SEMA4C: variants seen among roughly 807,000 people sequenced by gnomAD.
SEMA4C encodes semaphorin-4C.
Under a neutral mutation model 89.0 loss-of-function variants are expected in SEMA4C, and 19 were observed. The observed-to-expected ratio is 0.21, with a 90% confidence interval of 0.15 to 0.31. The LOEUF (loss-of-function observed/expected upper bound fraction) is 0.31. SEMA4C is among the 10% of genes least tolerant of loss of function. The pLI, the probability that SEMA4C is intolerant of heterozygous loss-of-function variation, is 1.00. For missense variants in SEMA4C, 811 were observed against 1,107.0 expected (o/e 0.73, Z 3.79); for synonymous variants, 428 against 472.7 (o/e 0.91, Z 1.23).
At position 96,864,873 on chromosome 2, in the gene SEMA4C, A is replaced by T; in HGVS notation, c.794T>A (p.Met265Lys). Residue 265 changes from methionine to lysine, a missense_variant, in exon 9 of 15, where the codon ATG (methionine) becomes AAG (lysine). Met to Lys is a moderately conservative substitution (Grantham distance 95). Around this residue, in one of 4 missense-constraint regions of SEMA4C, gnomAD observed 441 missense variants for 664.9 expected, o/e 0.66. Coordinates refer to ENST00000305476, the MANE Select transcript of SEMA4C (RefSeq NM_017789.5). This position sits in a 1 kb window ranked among gnomAD's most constrained non-coding sequence, Gnocchi z 6.3. ...ARVARVCKGD[M>K]GGARTLQRKW... ...CCTCTGCAGGGTCCGTGCGCCCCCC[A>T]TATCGCCCTGGCAGACGGCAAGGGG... 1 of 1,612,984 alleles carries T rather than the reference A, an allele frequency of 6.2e-7. No homozygotes were observed.
chr2:96,860,493 G>A lies in SEMA4C; in HGVS notation c.*133C>T. On this transcript the variant is annotated 3_prime_UTR_variant, in exon 15 of 15. Transcript: ENST00000305476. ...GTGCTGAGCAGAGCAGGTCCTCATGGCCGGGTGGGTGCTGGGCAGTATCTG... is the reference window on the plus strand; with the variant it reads ...GTGCTGAGCAGAGCAGGTCCTCATGACCGGGTGGGTGCTGGGCAGTATCTG... 1.2e-6 allele frequency: 1 copy of A among 801,566 alleles called. No homozygotes were observed. The highest frequency in any genetic ancestry group is 1.9e-6 in the Non-Finnish European group (1 of 523,072). 49.7% of individuals were successfully genotyped at this position (801,566 alleles called of 1,614,324 possible).
Position 96,861,223 on chromosome 2 carries a change from C to T in SEMA4C, c.1905G>A (p.Arg635=). The change falls in exon 15 of 15, where the codon CGG becomes CGA. Residue 635 remains arginine (R), a synonymous_variant. Transcript: ENST00000305476. The surrounding 1 kb of genome is among the most constrained non-coding windows in gnomAD (Gnocchi z 7.8). ...CCACAAGGTAGCCTTCAGCAGCCAGCCGCGCCCCCTGCTCCTCTGAAAAGC... is the reference window on the plus strand; with the variant it reads ...CCACAAGGTAGCCTTCAGCAGCCAGTCGCGCCCCCTGCTCCTCTGAAAAGC... ...YHCFSEEQGA[R]LAAEGYLVAV... 6.2e-7 allele frequency: 1 copy of T among 1,610,404 alleles called. No individual in the cohort carries two copies.
In SEMA4C at chr2:96,860,719, C is replaced by G. The variant is rs925134552; in HGVS notation, c.2409G>C (p.Gly803=). 2 of 1,613,602 alleles carry G rather than the reference C, an allele frequency of 1.2e-6. No individual in the cohort carries two copies. The highest frequency in any genetic ancestry group is 1.7e-6 in the Non-Finnish European group (2 of 1,179,988). ...CATCCGCGAGCTCAGGCAGGGGGTGCCCGAGCCCTCCCCGGTCCTCCCCTC... is the reference window on the plus strand; with the variant it reads ...CATCCGCGAGCTCAGGCAGGGGGTGGCCGAGCCCTCCCCGGTCCTCCCCTC... ...QLGGEDRGGL[G]HPLPELADEL... Residue 803 remains glycine (G), a synonymous_variant, in exon 15 of 15, where the codon GGG becomes GGC. Coordinates refer to ENST00000305476, the MANE Select transcript of SEMA4C (RefSeq NM_017789.5).
intron 1 of SEMA4C, chr2:96,868,819 T>G: frequency 1.0e-6 from 1 of 985,216 alleles, no homozygotes; most frequent in Non-Finnish European, 1.2e-6. Context: ...CGGCACCCGC[T>G]GCGCTCCCGC....
At chr2:96,870,126 G>T (rs933253886), upstream of SEMA4C, 2 of 972,220 alleles carry the variant, frequency 2.1e-6, no homozygotes, top group African/African-American at 3.5e-5. Context: ...CGTCAGGCTG[G>T]GGGGGTCGAG....
chr2:96,860,418 G>A lies in SEMA4C; in HGVS notation c.*208C>T. Reference sequence around the variant, plus strand: ...TGTGATTCACAGAGAGGAGGAAGATGCCTTCTGCGAGGCTGGTGCCCTGGT... The same window carrying A: ...TGTGATTCACAGAGAGGAGGAAGATACCTTCTGCGAGGCTGGTGCCCTGGT... On this transcript the variant is annotated 3_prime_UTR_variant, in exon 15 of 15. Coordinates refer to ENST00000305476, the MANE Select transcript of SEMA4C (RefSeq NM_017789.5). The A allele has an allele frequency of 1.9e-6, 1 of 537,126 alleles. No individual in the cohort carries two copies. The highest frequency in any genetic ancestry group is 3.3e-6 in the Non-Finnish European group (1 of 307,068). 33.3% of individuals were successfully genotyped at this position (537,126 alleles called of 1,614,324 possible).
chr2:96,863,530 C>T (rs2079999894), intron 12 of SEMA4C, 152 bp downstream of exon 12: 2 of 1,296,796 alleles, frequency 1.5e-6, no homozygotes, highest in South Asian at 1.5e-5. Context: ...CAGGAACCCA[C>T]CCCAAGTTAG....
rs2079953387 is a variant in SEMA4C, at chr2:96,861,875, G to A, written c.1463C>T (p.Ser488Phe). 2 of 1,611,538 alleles carry A rather than the reference G, an allele frequency of 1.2e-6. No individual in the cohort carries two copies. The highest frequency in any genetic ancestry group is 2.7e-5 in the African/African-American group (2 of 74,938). ...GGGCAGCTGCACCAGCTGAGAGCGG[G>A]AGCCGGCAAAGAGCAGCTTCTGCGA... ...SQSKKLLFAG[S>F]RSQLVQLPVA... is the part of the protein sequence containing the mutation. The change falls in exon 13 of 15, where the codon TCC (serine) becomes TTC (phenylalanine). Residue 488 changes from serine to phenylalanine, a missense_variant. Physicochemically the swap from Ser to Phe is radical, Grantham distance 155. Transcript: ENST00000305476. This position sits in a 1 kb window ranked among gnomAD's most constrained non-coding sequence, Gnocchi z 7.8.
rs1366605160 is a variant in SEMA4C, at chr2:96,863,916, A to AT, written c.1330+9dup. On this transcript the variant is annotated intron_variant, in intron 11 of 14. Coordinates refer to ENST00000305476, the MANE Select transcript of SEMA4C (RefSeq NM_017789.5). ...CTTGAGCAGCCATGCCTGCATACCC[A>AT]TGCACCCACCTGTGCCAATGAACAG... 3.1e-6 allele frequency: 5 copies of AT among 1,603,146 alleles called. No homozygotes were observed. Among genetic ancestry groups the AT allele is most frequent in the Non-Finnish European group, 4.3e-6 (5 of 1,172,858 alleles).
intron 2 of SEMA4C, chr2:96,866,775 T>G: frequency 4.9e-6 from 2 of 406,006 alleles, no homozygotes; most frequent in Non-Finnish European, 9.5e-6. Context: ...CCACCTTCGC[T>G]TCCTCGGCGG....
intron 1 of SEMA4C, chr2:96,869,612 C>A: frequency 2.0e-6 from 2 of 985,290 alleles, no homozygotes; most frequent in African/African-American, 3.5e-5. Flanking sequence ...CGGACCGGAC[C>A]GCGCGAGGAA....
Position 96,861,462 on chromosome 2 carries a change from T to C in SEMA4C, c.1673-7A>G. The C allele has an allele frequency of 2.5e-6, 4 of 1,612,782 alleles. No individual in the cohort carries two copies. The highest frequency in any genetic ancestry group is 3.4e-6 in the Non-Finnish European group (4 of 1,179,512). The stretch of plus-strand genomic sequence containing the variant: ...TTTTTGGGAGTGGGCCTGACTGTAG[T>C]GGCAGAGAAAACAGAGTGCATGTTA... On this transcript the variant is annotated splice_polypyrimidine_tract_variant and splice_region_variant and intron_variant, in intron 14 of 14. Transcript: ENST00000305476. The surrounding 1 kb of genome is among the most constrained non-coding windows in gnomAD (Gnocchi z 7.8).
intron 4 of SEMA4C, 27 bp from the exon 5 acceptor site, chr2:96,865,791 T>C: frequency 1.2e-6 from 2 of 1,613,784 alleles, no homozygotes; most frequent in Non-Finnish European, 1.7e-6. Flanking sequence ...GTCCGGTTAG[T>C]GAGAGCGCGA....
Position 96,865,023 on chromosome 2 carries a change from C to A in SEMA4C, c.727G>T (p.Ala243Ser), listed in dbSNP as rs1159601861. Residue 243 changes from alanine to serine, a missense_variant, in exon 8 of 15, where the codon GCA (alanine) becomes TCA (serine). This residue lies in a region of SEMA4C where 441 missense variants were observed against 664.9 expected (regional missense o/e 0.66). Coordinates refer to ENST00000305476, the MANE Select transcript of SEMA4C (RefSeq NM_017789.5). Reference sequence around the variant, plus strand: ...TCGGCATAGCAGTCGGACTCCACTGCCCGCTCCCTGAAGAAGAAGTAGACC... The same window carrying A: ...TCGGCATAGCAGTCGGACTCCACTGACCGCTCCCTGAAGAAGAAGTAGACC... ...DKVYFFFRER[A>S]VESDCYAEQV... The A allele has an allele frequency of 1.3e-6, 2 of 1,558,072 alleles. No individual in the cohort carries two copies. Among genetic ancestry groups the A allele is most frequent in the African/African-American group, 2.7e-5 (2 of 73,358 alleles).
intron 1 of SEMA4C, chr2:96,869,160 G>T (rs577681073): frequency 2.0e-6 from 2 of 985,374 alleles, no homozygotes; most frequent in South Asian, 4.7e-5. Context: ...CCCCCAAAAC[G>T]CCCGCGGCCT....
intron 12 of SEMA4C, chr2:96,863,274 G>T (rs1027404589): frequency 7.9e-6 from 8 of 1,018,168 alleles, no homozygotes; most frequent in Non-Finnish European, 9.4e-6. Context: ...AACAGTCACG[G>T]AAATGGGGGC....
intron 3 of SEMA4C, 102 bp downstream of exon 3, chr2:96,866,181 T>A (rs2080066477): frequency 2.0e-6 from 3 of 1,483,930 alleles, no homozygotes; most frequent in African/African-American, 2.8e-5. Flanking sequence ...CAGCAGCACT[T>A]CTGTGGGGGC....
Position 96,860,551 on chromosome 2 carries a change from C to A in SEMA4C, c.*75G>T. On this transcript the variant is annotated 3_prime_UTR_variant, in exon 15 of 15. Coordinates refer to ENST00000305476, the MANE Select transcript of SEMA4C (RefSeq NM_017789.5). Reference sequence around the variant, plus strand: ...CAGAGCAGGTGCCCGTGCCATGTCCCTGAGGTAGCTGGTGCCTGTGCAAAA... The same window carrying A: ...CAGAGCAGGTGCCCGTGCCATGTCCATGAGGTAGCTGGTGCCTGTGCAAAA... The A allele has an allele frequency of 7.4e-7, 1 of 1,354,498 alleles. No individual in the cohort carries two copies. Among genetic ancestry groups the A allele is most frequent in the East Asian group, 2.3e-5 (1 of 43,214 alleles). 83.9% of individuals were successfully genotyped at this position (1,354,498 alleles called of 1,614,324 possible).
At position 96,861,226 on chromosome 2, in the gene SEMA4C, C is replaced by T. The variant is rs71427097; in HGVS notation, c.1902G>A (p.Ala634=). The change falls in exon 15 of 15, where the codon GCG becomes GCA. Residue 634 remains alanine, a synonymous_variant. Transcript: ENST00000305476. The surrounding 1 kb of genome is among the most constrained non-coding windows in gnomAD (Gnocchi z 7.8). ...CAAGGTAGCCTTCAGCAGCCAGCCG[C>T]GCCCCCTGCTCCTCTGAAAAGCAGT... is the stretch of plus-strand genomic sequence containing the variant. ...AYHCFSEEQG[A]RLAAEGYLVA... The T allele has an allele frequency of 0.025, 40,362 of 1,610,414 alleles. 593 individuals are homozygous for T. The highest frequency in any genetic ancestry group is 0.03 in the Non-Finnish European group (35,402 of 1,179,684).
Sources: gnomAD v4.1 joint callset for allele counts on GRCh38, gnomAD v4.1.1 for gene constraint, gnomAD v4.1.1 regional missense constraint, Gnocchi (gnomAD v3.1) non-coding constraint, MANE v1.5 for transcripts, NCBI Gene and HGNC (gene_info 2026-07-23, HGNC 2026-07-21) for gene names.